Variants in MXI1 observed in about 807,000 individuals in gnomAD.
MXI1 encodes MAX interactor 1, dimerization protein, also known as max-interacting protein 1.
Under a neutral mutation model 36.9 loss-of-function variants are expected in MXI1, and 18 were observed. That is an observed-to-expected ratio of 0.49 (90% CI 0.34 to 0.72). MXI1 has a LOEUF of 0.72. Among genes scored for constraint, MXI1 ranks in the 30% least tolerant of loss-of-function variants. MXI1 has a pLI of 0.01. For missense variants in MXI1, 304 were observed against 379.1 expected (o/e 0.80, Z 1.64); for synonymous variants, 160 against 146.7 (o/e 1.09, Z -0.65).
intron 1 of MXI1, chr10:110,227,577 G>A: frequency 1.1e-6 from 1 of 929,372 alleles, no homozygotes; most frequent in Non-Finnish European, 1.3e-6. Context: ...GAACACGGAT[G>A]CTGGGGGGGG....
chr10:110,213,310 A>G (rs552589285), intron 1 of MXI1, among the ~76,000 whole-genome samples: 10 of 152,334 alleles, frequency 6.6e-5, no homozygotes, highest in African/African-American at 2.2e-4. Context: ...CATGGCAGCA[A>G]TCTTATGAAT....
At chr10:110,215,634 G>A (rs1023913814) in intron 1 of MXI1, among the ~76,000 whole-genome samples, 4 of 152,232 alleles carry the variant, frequency 2.6e-5, no homozygotes, top group Admixed American at 1.3e-4. Flanking sequence ...ATCCCAGGGT[G>A]TGTCCGGTTA....
chr10:110,234,371 T>A (rs1178355181), intron 2 of MXI1, among the ~76,000 whole-genome samples: 1 of 152,194 alleles, frequency 6.6e-6, no homozygotes, highest in Non-Finnish European at 1.5e-5. Flanking sequence ...ATAGTGCTGA[T>A]GAAATATAAA....
chr10:110,266,521 C>G lies in MXI1; in HGVS notation c.438-12659C>G, dbSNP rs146851122. Among the ~76,000 whole-genome samples, 18 of 152,226 alleles carry G rather than the reference C, an allele frequency of 1.2e-4. No homozygotes were observed. The East Asian group carries it at 3.5e-3, about 29-fold the overall frequency. On this transcript the variant is annotated intron_variant, in intron 3 of 5. Transcript: ENST00000332674. ...ATGCCCAAATGTCTTGTGAAAACAA[C>G]CAAAAGCCTCAACTGGGACAGATCA...
chr10:110,225,951 CCCCGGCGCTGCT>C (rs1854950581), intron 1 of MXI1: 1 of 907,842 alleles, frequency 1.1e-6, no homozygotes, highest in African/African-American at 1.8e-5. Flanking sequence ...AGGGGGCGGG[CCCCGGCGCTGCT>C]CCCGCCCCTC....
chr10:110,255,883 A>G (rs1856270805), intron 3 of MXI1, among the ~76,000 whole-genome samples: 1 of 152,210 alleles, frequency 6.6e-6, no homozygotes. Flanking sequence ...GAAAAGAATA[A>G]AGTTGGAGAG....
intron 3 of MXI1, among the ~76,000 whole-genome samples, chr10:110,260,496 G>GAA: frequency 6.7e-6 from 1 of 148,860 alleles, no homozygotes; most frequent in East Asian, 2.0e-4. Context: ...TAACACTTGA[G>GAA]ACACACACAC....
intron 1 of MXI1, among the ~76,000 whole-genome samples, chr10:110,224,744 T>A (rs1386880660): frequency 6.6e-6 from 1 of 150,452 alleles, no homozygotes; most frequent in East Asian, 2.0e-4. Context: ...GCCTCCCGGG[T>A]TCAAGCGATT....
chr10:110,270,918 C>T (rs978211782), intron 3 of MXI1, among the ~76,000 whole-genome samples: 2 of 151,808 alleles, frequency 1.3e-5, no homozygotes, highest in East Asian at 1.9e-4. Context: ...GGTGAAACCC[C>T]GTCTCTAGTA....
intron 2 of MXI1, 30 bp downstream of exon 2, chr10:110,228,351 A>T (rs1362866739): frequency 1.2e-5 from 20 of 1,613,428 alleles, no homozygotes; most frequent in Non-Finnish European, 1.6e-5. Flanking sequence ...TAGAAGAGGG[A>T]ACTGGAGGGA....
Position 110,279,991 on chromosome 10 carries a change from A to G in MXI1, c.630A>G (p.Arg210=). Residue 210 remains arginine (R), a synonymous_variant, in exon 5 of 6, where the codon CGA becomes CGG. Coordinates refer to ENST00000332674, the MANE Select transcript of MXI1 (RefSeq NM_130439.3). The stretch of plus-strand genomic sequence containing the variant: ...GAGAACAGAGATTTTTAAAGTGGCG[A>G]CTGGAACAGCTGCAGGGTCCTCAGG... ...LEREQRFLKW[R]LEQLQGPQEM... 2 of 1,613,576 alleles carry G rather than the reference A, an allele frequency of 1.2e-6. No individual in the cohort carries two copies. Among genetic ancestry groups the G allele is most frequent in the Non-Finnish European group, 1.7e-6 (2 of 1,179,618 alleles).
chr10:110,228,474 A>T (rs1458461727), intron 2 of MXI1, among the ~76,000 whole-genome samples, 153 bp downstream of exon 2: 1 of 152,178 alleles, frequency 6.6e-6, no homozygotes, highest in Non-Finnish European at 1.5e-5. Flanking sequence ...AGAAATCATA[A>T]CCTGGTTTTG....
Position 110,285,026 on chromosome 10 carries a change from C to T in MXI1, c.*39C>T. On this transcript the variant is annotated 3_prime_UTR_variant, in exon 6 of 6. Coordinates refer to ENST00000332674, the MANE Select transcript of MXI1 (RefSeq NM_130439.3). ...ATAACAGTGCAGGGCAAAATATTCA[C>T]TGGGCCAATTCAATACAAACAATCT... is the stretch of plus-strand genomic sequence containing the variant. 1 of 1,560,374 alleles carries T rather than the reference C, an allele frequency of 6.4e-7. No individual in the cohort carries two copies. Among genetic ancestry groups the T allele is most frequent in the Non-Finnish European group, 8.7e-7 (1 of 1,152,204 alleles).
At chr10:110,261,126 T>C in intron 3 of MXI1, 1 of 985,216 alleles carries the variant, frequency 1.0e-6, no homozygotes, top group Non-Finnish European at 1.2e-6. Flanking sequence ...ATAAACAATC[T>C]GAAGAGAAAG....
At chr10:110,248,053 G>T (rs936571909) in intron 3 of MXI1, among the ~76,000 whole-genome samples, 1 of 152,166 alleles carries the variant, frequency 6.6e-6, no homozygotes, top group Non-Finnish European at 1.5e-5. Context: ...TAGGGACATG[G>T]ATGAAGCTGG....
chr10:110,226,412 A>T, intron 1 of MXI1: 1 of 675,338 alleles, frequency 1.5e-6, no homozygotes. Context: ...ATGTGAGGGG[A>T]GGGGTGTGCG....
intron 1 of MXI1, chr10:110,226,121 G>T: frequency 4.0e-6 from 5 of 1,242,258 alleles, no homozygotes; most frequent in South Asian, 2.5e-5. Flanking sequence ...CACATGTTCC[G>T]GAACGGCGCC....
At chr10:110,250,847 A>AT (rs1856054672) in intron 3 of MXI1, among the ~76,000 whole-genome samples, 1 of 149,066 alleles carries the variant, frequency 6.7e-6, no homozygotes, top group East Asian at 1.9e-4. Context: ...AAAAAAAAAA[A>AT]ATAACAACTT....
At chr10:110,264,600 G>A (rs1406051056) in intron 3 of MXI1, among the ~76,000 whole-genome samples, 2 of 151,766 alleles carry the variant, frequency 1.3e-5, no homozygotes, top group East Asian at 3.9e-4. Flanking sequence ...TCCTGACCTC[G>A]TGATCCGCCT....
Sources: gnomAD v4.1 joint callset for allele counts (sites outside exome capture counted in the v4.1 genomes callset) on GRCh38, gnomAD v4.1.1 for gene constraint, MANE v1.5 for transcripts, NCBI Gene and HGNC (gene_info 2026-07-23, HGNC 2026-07-21) for gene names.